The following ZNF846 variants were observed in gnomAD, a reference collection of about 807,000 sequenced individuals.
ZNF846 encodes the protein zinc finger protein 420 pseudogene.
A neutral mutation model predicts 16.0 loss-of-function variants in ZNF846; 15 were observed. The ratio of observed to expected loss-of-function variants is 0.94; its 90% CI spans 0.63 to 1.45. The LOEUF (loss-of-function observed/expected upper bound fraction) is 1.45. Ranked by LOEUF, ZNF846 falls within the 40% of genes most tolerant of loss-of-function variation. ZNF846 has a pLI of 0.00. For synonymous variants in ZNF846, 229 were observed against 212.0 expected, an observed-to-expected ratio of 1.08 and a Z score of -0.70; for missense variants, 714 against 622.3, an observed-to-expected ratio of 1.15 and a Z score of -1.57.
chr19:9,765,906 TTAAA>T (rs139834120), intron 1 of ZNF846, among the ~76,000 whole-genome samples: 18,272 of 151,684 alleles, frequency 0.12, 1,347 homozygotes, highest in Admixed American at 0.23. Context: ...AGTCTCTTTA[TTAAA>T]TAAATAAATA....
At chr19:9,779,698 G>C (rs1157719893) in intron 1 of ZNF846, among the ~76,000 whole-genome samples, 2 of 151,570 alleles carry the variant, frequency 1.3e-5, no homozygotes, top group Non-Finnish European at 2.9e-5. Flanking sequence ...AGCCTCCCAA[G>C]CAGCTGGGAT....
intron 4 of ZNF846, among the ~76,000 whole-genome samples, chr19:9,761,681 A>T (rs1175977685): frequency 6.6e-6 from 1 of 151,832 alleles, no homozygotes; most frequent in Non-Finnish European, 1.5e-5. Context: ...ACTGCACACC[A>T]GCCAGGGCGA....
At chr19:9,765,070 C>A in intron 1 of ZNF846, 35 bp from the exon 2 acceptor site, 1 of 1,134,428 alleles carries the variant, frequency 8.8e-7, no homozygotes. Flanking sequence ...CAGTTGGATA[C>A]ATCAAAGAAA....
rs1455512114 is a variant in ZNF846 at position 9,759,785 on chromosome 19, T to A, written c.312+75A>T. On this transcript the variant is annotated intron_variant, in intron 5 of 5. Transcript: ENST00000397902. ...CTTTGTTTTCTCTGGGTAAATGCCA[T>A]TTTCCTCATATAATTTTCATGAATA... is the stretch of plus-strand genomic sequence containing the variant. 6 of 1,189,754 alleles carry A rather than the reference T, an allele frequency of 5.0e-6. No individual in the cohort carries two copies. The African/African-American group carries it at 6.3e-5, about 13-fold the overall frequency. 73.7% of individuals were successfully genotyped at this position (1,189,754 alleles called of 1,614,324 possible).
At chr19:9,749,832 ACTT>A (rs2045070251), downstream of ZNF846, among the ~76,000 whole-genome samples, 1 of 152,096 alleles carries the variant, frequency 6.6e-6, no homozygotes, top group Non-Finnish European at 1.5e-5. Flanking sequence ...CACCTGAGGA[ACTT>A]CTTTACTTTC....
intron 1 of ZNF846, among the ~76,000 whole-genome samples, chr19:9,766,546 T>A (rs761120717): frequency 7.9e-5 from 12 of 152,028 alleles, no homozygotes; most frequent in South Asian, 2.1e-4. Context: ...GGCACACGTA[T>A]GCATGTTGCA....
chr19:9,773,384 T>C (rs2045405492), upstream of ZNF846, among the ~76,000 whole-genome samples: 1 of 152,130 alleles, frequency 6.6e-6, no homozygotes, highest in African/African-American at 2.4e-5. Context: ...AATACTTTCT[T>C]AAGATGATTG....
chr19:9,780,423 A>C (rs941591139), intron 1 of ZNF846, among the ~76,000 whole-genome samples: 2 of 152,060 alleles, frequency 1.3e-5, no homozygotes, highest in Non-Finnish European at 2.9e-5. Context: ...CTTCTTAAAC[A>C]GTCTTAAATT....
chr19:9,753,715 T>C (rs2045106739), downstream of ZNF846, among the ~76,000 whole-genome samples: 2 of 151,816 alleles, frequency 1.3e-5, no homozygotes, highest in African/African-American at 4.9e-5. Flanking sequence ...TATTTGTGAA[T>C]TTTCCAGTTT....
chr19:9,757,237 G>A (rs183584919), downstream of ZNF846, among the ~76,000 whole-genome samples: 1 of 151,458 alleles, frequency 6.6e-6, no homozygotes, highest in East Asian at 1.9e-4. Context: ...AGAAACAAAG[G>A]CTTTACCACA....
intron 2 of ZNF846, 110 bp downstream of exon 2, chr19:9,764,826 T>C: frequency 7.6e-7 from 1 of 1,322,974 alleles, no homozygotes; most frequent in Non-Finnish European, 1.1e-6. Context: ...AGTTATTTCC[T>C]GAGCAGGACC....
chr19:9,758,407 T>C lies in ZNF846; in HGVS notation c.670A>G (p.Lys224Glu), dbSNP rs372310070. ...CCACATTCCTTACATACATAGTGTT[T>C]GTCTCCATTGTGAGATCTTATATGT... Residue 224 changes from lysine (K) to glutamate (E), a missense_variant, in exon 6 of 6, where the codon AAA (lysine) becomes GAA (glutamate). Lys to Glu is a moderately conservative substitution (Grantham distance 56). Coordinates refer to ENST00000397902, the Ensembl canonical transcript of ZNF846. 17 of 1,613,124 alleles carry C rather than the reference T, an allele frequency of 1.1e-5. No individual in the cohort carries two copies. In the Admixed American group the frequency reaches 1.3e-4, roughly 13 times the overall value.
downstream of ZNF846, among the ~76,000 whole-genome samples, chr19:9,748,923 C>T (rs546956196): frequency 3.9e-5 from 6 of 152,106 alleles, no homozygotes; most frequent in Non-Finnish European, 7.4e-5. Context: ...CTTGCCTACT[C>T]CAGATTCCCA....
chr19:9,778,966 G>T (rs1178555924), intron 1 of ZNF846, among the ~76,000 whole-genome samples: 1 of 152,048 alleles, frequency 6.6e-6, no homozygotes, highest in African/African-American at 2.4e-5. Context: ...TACTATGCTA[G>T]TATATAAGAA....
At chr19:9,777,500 G>A (rs113411630) in intron 1 of ZNF846, among the ~76,000 whole-genome samples, 3,906 of 151,570 alleles carry the variant, frequency 0.026, 163 homozygotes, top group African/African-American at 0.089. Flanking sequence ...GTGAAATCCC[G>A]TCTCTACTAA....
At chr19:9,763,311 A>C in exon 3 of ZNF846, 1 of 1,605,846 alleles carries the variant, frequency 6.2e-7, no homozygotes, top group Non-Finnish European at 8.5e-7. Flanking sequence ...GTAGTTCTCC[A>C]ACATCACATC....
chr19:9,754,613 G>C (rs1025723681), downstream of ZNF846, among the ~76,000 whole-genome samples: 2 of 143,650 alleles, frequency 1.4e-5, no homozygotes, highest in Non-Finnish European at 3.0e-5. Context: ...CAGTTGGATT[G>C]TGTATTTTAA....
chr19:9,761,816 A>C (rs898205786), intron 4 of ZNF846, among the ~76,000 whole-genome samples: 1 of 152,150 alleles, frequency 6.6e-6, no homozygotes, highest in African/African-American at 2.4e-5. Context: ...CAATATAAGA[A>C]GGTGTTGGCA....
intron 1 of ZNF846, among the ~76,000 whole-genome samples, chr19:9,766,016 A>G (rs934432487): frequency 7.9e-5 from 12 of 152,252 alleles, no homozygotes; most frequent in African/African-American, 2.7e-4. Context: ...ACTATCAGAC[A>G]GTAAGAATAC....
Sources: allele counts gnomAD v4.1 joint callset (sites outside exome capture counted in the v4.1 genomes callset), GRCh38; gene constraint gnomAD v4.1.1; transcripts MANE v1.5; gene names NCBI Gene and HGNC (gene_info 2026-07-23, HGNC 2026-07-21).